Variants in COX17 observed in about 807,000 individuals in gnomAD.
COX17 encodes the protein cytochrome c oxidase copper chaperone COX17.
COX17 carries 1 observed loss-of-function variant against 6.3 expected under a neutral mutation model. The ratio of observed to expected loss-of-function variants is 0.16; its 90% CI spans 0.06 to 0.75. The LOEUF (loss-of-function observed/expected upper bound fraction) is 0.75. Among genes scored for constraint, COX17 ranks in the 30% least tolerant of loss-of-function variants. The pLI, the probability that COX17 is intolerant of heterozygous loss-of-function variation, is 0.77. For missense variants in COX17, 73 were observed against 81.2 expected, an observed-to-expected ratio of 0.90 and a Z score of 0.39; for synonymous variants, 26 against 30.5, an observed-to-expected ratio of 0.85 and a Z score of 0.49.
chr3:119,674,207 G>GGCC (rs2053075347), intron 2 of COX17, among the ~76,000 whole-genome samples: 1 of 147,890 alleles, frequency 6.8e-6, no homozygotes, highest in South Asian at 2.1e-4. Context: ...GGAGTGCCTC[G>GGCC]GCCCGGCTTC....
chr3:119,675,311 A>T, intron 1 of COX17, 78 bp from the exon 2 acceptor site: 1 of 990,706 alleles, frequency 1.0e-6, no homozygotes, highest in Non-Finnish European at 1.6e-6. Flanking sequence ...ATGGGGAGTG[A>T]GACAAAACAC....
chr3:119,665,012 T>C (rs1378427868), downstream of COX17, among the ~76,000 whole-genome samples: 1 of 152,234 alleles, frequency 6.6e-6, no homozygotes, highest in East Asian at 1.9e-4. Context: ...TCCATAGCCA[T>C]TTCCCCTTTT....
chr3:119,675,187 G>A lies in COX17; in HGVS notation c.154C>T (p.His52Tyr). ...CCTAGGGCTCTCATGCATTCCTTGT[G>A]GGCCTCAATTAGATGTCCACAGTGT... is the stretch of plus-strand genomic sequence containing the variant. ...EEHCGHLIEA[H>Y]KECMRALGFK... is the part of the protein sequence containing the mutation. The change falls in exon 2 of 3, where the codon CAC becomes TAC. Residue 52 changes from histidine to tyrosine, a missense_variant. Coordinates refer to ENST00000261070, the MANE Select transcript of COX17 (RefSeq NM_005694.2). 1.2e-6 allele frequency: 2 copies of A among 1,613,282 alleles called. No homozygotes were observed. The highest frequency in any genetic ancestry group is 1.7e-6 in the Non-Finnish European group (2 of 1,179,412).
At chr3:119,667,482 C>G (rs954103054), downstream of COX17, among the ~76,000 whole-genome samples, 2 of 152,074 alleles carry the variant, frequency 1.3e-5, no homozygotes, top group Middle Eastern at 6.3e-3. Context: ...AATCAGTGCT[C>G]TCAGACACTA....
intron 2 of COX17, among the ~76,000 whole-genome samples, chr3:119,672,137 ATC>A (rs1250211010): frequency 6.6e-6 from 1 of 152,252 alleles, no homozygotes; most frequent in Non-Finnish European, 1.5e-5. Context: ...ACATTGAATC[ATC>A]ACAACTCTAT....
At chr3:119,670,773 T>C (rs1461849688) in intron 2 of COX17, among the ~76,000 whole-genome samples, 1 of 152,038 alleles carries the variant, frequency 6.6e-6, no homozygotes, top group African/African-American at 2.4e-5. Flanking sequence ...TGTGTGTGTG[T>C]GTGTGTGTGT....
At chr3:119,676,958 C>A in intron 1 of COX17, 1 of 699,978 alleles carries the variant, frequency 1.4e-6, no homozygotes. Flanking sequence ...AGAGACCCGA[C>A]CACGAAACCT....
At chr3:119,677,010 G>C in intron 1 of COX17, 194 bp downstream of exon 1, 1 of 521,046 alleles carries the variant, frequency 1.9e-6, no homozygotes, top group Non-Finnish European at 3.4e-6. Flanking sequence ...CAATGGGGCG[G>C]GGCGGGGCGG....
chr3:119,664,100 C>T (rs985282292), intron 3 of COX17, among the ~76,000 whole-genome samples: 2 of 152,294 alleles, frequency 1.3e-5, no homozygotes, highest in African/African-American at 2.4e-5. Context: ...CAGTCTATCC[C>T]GGATACTGAC....
intron 2 of COX17, among the ~76,000 whole-genome samples, chr3:119,670,898 A>G (rs7613999): frequency 0.36 from 55,394 of 151,828 alleles, 10,712 homozygotes; most frequent in East Asian, 0.66. Context: ...TTAGTCTCCA[A>G]AATAGGTTCT....
chr3:119,674,123 G>A (rs907764561), intron 2 of COX17, among the ~76,000 whole-genome samples: 1 of 150,550 alleles, frequency 6.6e-6, no homozygotes, highest in Non-Finnish European at 1.5e-5. Context: ...TGTGAGGAGC[G>A]CCTCTGCCTG....
intron 1 of COX17, 101 bp from the exon 2 acceptor site, chr3:119,675,334 A>C: frequency 1.3e-6 from 1 of 785,264 alleles, no homozygotes; most frequent in Non-Finnish European, 2.2e-6. Flanking sequence ...GTATAATGGA[A>C]TGTAGCTGGA....
At chr3:119,676,321 T>G (rs2053098893) in intron 1 of COX17, among the ~76,000 whole-genome samples, 1 of 152,124 alleles carries the variant, frequency 6.6e-6, no homozygotes, top group Non-Finnish European at 1.5e-5. Context: ...TACTGAGGAT[T>G]AATAAAAGCA....
chr3:119,665,405 T>C (rs1392317639), downstream of COX17: 1 of 152,242 alleles, frequency 6.6e-6, no homozygotes, highest in Non-Finnish European at 1.5e-5. Context: ...GACAGGGCCT[T>C]GCTCTGTCAG....
chr3:119,677,018 CGGGGCGGGGGGGG>C, intron 1 of COX17, 173 bp downstream of exon 1: 2 of 468,634 alleles, frequency 4.3e-6, no homozygotes, highest in East Asian at 3.3e-5. Context: ...CGGGGCGGGG[CGGGGCGGGGGGGG>C]GGGGCAGACA....
intron 1 of COX17, 115 bp downstream of exon 1, chr3:119,677,089 A>AGGCAGAGGGCAGAGGGCAGAAGGCAGAG: frequency 1.7e-6 from 1 of 576,486 alleles, no homozygotes; most frequent in Admixed American, 3.3e-5. Context: ...AGAGGGCAGA[A>AGGCAGAGGGCAGAGGGCAGAAGGCAGAG]GGCAGAGGGC....
At chr3:119,667,921 A>G (rs772011312), downstream of COX17, among the ~76,000 whole-genome samples, 10 of 152,204 alleles carry the variant, frequency 6.6e-5, no homozygotes, top group Non-Finnish European at 1.3e-4. Flanking sequence ...ACGGCATCTG[A>G]CATACAGAAG....
intron 2 of COX17, among the ~76,000 whole-genome samples, chr3:119,673,826 G>C (rs764287566): frequency 6.6e-6 from 1 of 152,268 alleles, no homozygotes; most frequent in Non-Finnish European, 1.5e-5. Context: ...AATGGGTTAA[G>C]AGTTCCAAGT....
downstream of COX17, among the ~76,000 whole-genome samples, chr3:119,667,882 C>A (rs2053008636): frequency 6.6e-6 from 1 of 152,126 alleles, no homozygotes; most frequent in African/African-American, 2.4e-5. Flanking sequence ...GACATATATC[C>A]TGTTCCAGAC....
Sources: gnomAD v4.1 joint callset for allele counts (sites outside exome capture counted in the v4.1 genomes callset) on GRCh38, gnomAD v4.1.1 for gene constraint, MANE v1.5 for transcripts, NCBI Gene and HGNC (gene_info 2026-07-23, HGNC 2026-07-21) for gene names.